MAP2K5: variants seen among roughly 807,000 people sequenced by gnomAD.
MAP2K5 encodes the protein dual specificity mitogen-activated protein kinase kinase 5.
Under a neutral mutation model 83.1 loss-of-function variants are expected in MAP2K5, and 49 were observed. That is an observed-to-expected ratio of 0.59 (90% CI 0.47 to 0.75). The LOEUF is 0.75. Ranked by LOEUF, MAP2K5 falls within the 30% of genes least tolerant of loss-of-function variation. The probability of loss-of-function intolerance (pLI) is 0.00; values close to 1 mark genes in which losing one functional copy is unlikely to be tolerated. For missense variants in MAP2K5, 457 were observed against 557.5 expected, an observed-to-expected ratio of 0.82 and a Z score of 1.82; for synonymous variants, 202 against 191.8, an observed-to-expected ratio of 1.05 and a Z score of -0.44.
Position 67,676,178 on chromosome 15 carries a change from T to G in MAP2K5, c.847+11533T>G, listed in dbSNP as rs1209604666. On this transcript the variant is annotated intron_variant, in intron 13 of 21. Coordinates refer to ENST00000178640, the MANE Select transcript of MAP2K5 (RefSeq NM_145160.3). This position sits in a 1 kb window ranked among gnomAD's most constrained non-coding sequence, Gnocchi z 4.8. ...CCCGCAGTTAGCTCTGATCATTGCT[T>G]TGTCTCTGACACAAACCTGAAGTTT... Among the ~76,000 whole-genome samples, 6 of 152,142 alleles carry G rather than the reference T, an allele frequency of 3.9e-5. No individual in the cohort carries two copies. Among genetic ancestry groups the G allele is most frequent in the Non-Finnish European group, 8.8e-5 (6 of 68,022 alleles).
rs185564752 is a variant in MAP2K5 at position 67,571,932 on chromosome 15, A to G, written c.252+8582A>G. ...GAGCGTACAGTTCATGCCCTCCAGG[A>G]GCTCATGGTCCAGTCAGGGAGATTA... On this transcript the variant is annotated intron_variant, in intron 3 of 21. Coordinates refer to ENST00000178640, the MANE Select transcript of MAP2K5 (RefSeq NM_145160.3). 2.5e-4 allele frequency among the ~76,000 whole-genome samples: 38 copies of G among 152,306 alleles called. 1 individual carries two copies. The highest frequency in any genetic ancestry group is 2.1e-3 in the Admixed American group (32 of 15,294).
intron 8 of MAP2K5, among the ~76,000 whole-genome samples, chr15:67,630,571 G>T (rs1365085667): frequency 6.6e-6 from 1 of 152,196 alleles, no homozygotes; most frequent in Non-Finnish European, 1.5e-5. Flanking sequence ...TAGGTTTGAG[G>T]TCTCATTCTG....
chr15:67,600,508 G>A (rs932623704), intron 7 of MAP2K5, among the ~76,000 whole-genome samples, 177 bp from the exon 8 acceptor site: 3 of 151,994 alleles, frequency 2.0e-5, no homozygotes, highest in African/African-American at 4.8e-5. Flanking sequence ...CCATCACTTC[G>A]TCCCTTGGTA....
chr15:67,686,603 A>AAATAATAATAATAAT (rs57116318), intron 13 of MAP2K5, among the ~76,000 whole-genome samples: 38 of 148,452 alleles, frequency 2.6e-4, no homozygotes, highest in African/African-American at 8.5e-4. Flanking sequence ...ACTGTGTCTC[A>AAATAATAATAATAAT]AATAATAATA....
At chr15:67,664,968 A>T (rs2087337389) in intron 13 of MAP2K5, among the ~76,000 whole-genome samples, 1 of 152,192 alleles carries the variant, frequency 6.6e-6, no homozygotes, top group East Asian at 1.9e-4. Flanking sequence ...GTACAATTAC[A>T]TCCTTCCTTC....
chr15:67,684,326 A>G (rs894200008), intron 13 of MAP2K5, among the ~76,000 whole-genome samples: 1 of 152,262 alleles, frequency 6.6e-6, no homozygotes, highest in African/African-American at 2.4e-5. Context: ...GGAGAATTCA[A>G]GAAAGAGATT....
chr15:67,712,669 A>G (rs2088720186), intron 16 of MAP2K5, among the ~76,000 whole-genome samples: 1 of 152,210 alleles, frequency 6.6e-6, no homozygotes. Flanking sequence ...CTGTAATCCC[A>G]ACACTTTAGG....
Position 67,779,714 on chromosome 15 carries a change from T to C in MAP2K5, c.1242+6962T>C, listed in dbSNP as rs528801571. 6.6e-6 allele frequency among the ~76,000 whole-genome samples: 1 copy of C among 152,314 alleles called. No homozygotes were observed. Among genetic ancestry groups the C allele is most frequent in the African/African-American group, 2.4e-5 (1 of 41,560 alleles). ...TGAACTCATGTCTCTAATGCCTCTTTCGTGTTTTATTGGACTGTCATCTTC... is the reference window on the plus strand; with the variant it reads ...TGAACTCATGTCTCTAATGCCTCTTCCGTGTTTTATTGGACTGTCATCTTC... On this transcript the variant is annotated intron_variant, in intron 21 of 21. Transcript: ENST00000178640. The surrounding 1 kb of genome is among the most constrained non-coding windows in gnomAD (Gnocchi z 4.6).
In MAP2K5 at chr15:67,769,111, A is replaced by AG. The variant is rs1465097890; in HGVS notation, c.1135-491_1135-490insG. Reference sequence around the variant, plus strand: ...ATAAAAGCCTTTCTATTAAAGTAAAAAAAAAAAATTGATCCAAATTATTCT... The same window carrying AG: ...ATAAAAGCCTTTCTATTAAAGTAAAAGAAAAAAAATTGATCCAAATTATTCT... On this transcript the variant is annotated intron_variant, in intron 19 of 21. Coordinates refer to ENST00000178640, the MANE Select transcript of MAP2K5 (RefSeq NM_145160.3). The surrounding 1 kb of genome is among the most constrained non-coding windows in gnomAD (Gnocchi z 5.2). Among the ~76,000 whole-genome samples the AG allele has an allele frequency of 6.6e-6, 1 of 151,718 alleles. No individual in the cohort carries two copies. The highest frequency in any genetic ancestry group is 1.5e-5 in the Non-Finnish European group (1 of 67,922).
chr15:67,558,049 C>T (rs79348006), intron 2 of MAP2K5, among the ~76,000 whole-genome samples: 1 of 152,088 alleles, frequency 6.6e-6, no homozygotes, highest in Non-Finnish European at 1.5e-5. Flanking sequence ...ATTACTGATG[C>T]AAAAAGTCCA....
intron 16 of MAP2K5, among the ~76,000 whole-genome samples, chr15:67,705,011 G>A (rs1260947681): frequency 6.6e-6 from 1 of 152,114 alleles, no homozygotes; most frequent in Non-Finnish European, 1.5e-5. Flanking sequence ...TTCTTCATTT[G>A]TAAAATATTG....
At chr15:67,571,352 A>C (rs1170343416) in intron 3 of MAP2K5, among the ~76,000 whole-genome samples, 2 of 152,210 alleles carry the variant, frequency 1.3e-5, no homozygotes, top group African/African-American at 4.8e-5. Context: ...TTGAGCTTCC[A>C]AAAGAGAAAC....
chr15:67,778,406 TG>T lies in MAP2K5; in HGVS notation c.1242+5656del, dbSNP rs771367805. 3.9e-5 allele frequency among the ~76,000 whole-genome samples: 6 copies of T among 152,350 alleles called. No individual in the cohort carries two copies. Among genetic ancestry groups the T allele is most frequent in the Admixed American group, 6.5e-5 (1 of 15,296 alleles). ...GTGTGACTTTGGGCTTCACACCAAA[TG>T]GCTTTGTTTCATTGTTAGACCCAAA... On this transcript the variant is annotated intron_variant, in intron 21 of 21. Coordinates refer to ENST00000178640, the MANE Select transcript of MAP2K5 (RefSeq NM_145160.3). The surrounding 1 kb of genome is among the most constrained non-coding windows in gnomAD (Gnocchi z 5.0).
chr15:67,756,049 C>A (rs373704854), intron 19 of MAP2K5, among the ~76,000 whole-genome samples: 1 of 152,206 alleles, frequency 6.6e-6, no homozygotes, highest in South Asian at 2.1e-4. Flanking sequence ...CAGCATCTCT[C>A]CCCCACACTA....
At chr15:67,557,224 A>G (rs1050198725) in intron 2 of MAP2K5, among the ~76,000 whole-genome samples, 1 of 152,116 alleles carries the variant, frequency 6.6e-6, no homozygotes, top group Non-Finnish European at 1.5e-5. Context: ...CTCTGCCAGC[A>G]TTTTCTCTAG....
intron 21 of MAP2K5, among the ~76,000 whole-genome samples, chr15:67,784,341 C>G (rs1367781467): frequency 6.6e-6 from 1 of 152,242 alleles, no homozygotes; most frequent in African/African-American, 2.4e-5. Context: ...TCCGCTAAGT[C>G]AAACTATTTC....
chr15:67,564,387 A>G (rs1464905654), intron 3 of MAP2K5, among the ~76,000 whole-genome samples: 1 of 152,226 alleles, frequency 6.6e-6, no homozygotes, highest in Non-Finnish European at 1.5e-5. Context: ...CTTGCTTTTC[A>G]CTGAGACCCT....
intron 11 of MAP2K5, among the ~76,000 whole-genome samples, chr15:67,650,072 T>C (rs1227079004): frequency 1.3e-5 from 2 of 152,208 alleles, no homozygotes; most frequent in Admixed American, 6.5e-5. Flanking sequence ...ATTTGTTAAA[T>C]TTGCTTCTAA....
At chr15:67,787,883 T>TGTG (rs768277805) in intron 21 of MAP2K5, among the ~76,000 whole-genome samples, 46 of 152,362 alleles carry the variant, frequency 3.0e-4, no homozygotes, top group Non-Finnish European at 5.7e-4. Context: ...AATTACAGCA[T>TGTG]GTGCTGGCAG....
Sources: allele counts gnomAD v4.1 joint callset (sites outside exome capture counted in the v4.1 genomes callset), GRCh38; gene constraint gnomAD v4.1.1; non-coding constraint Gnocchi (gnomAD v3.1); transcripts MANE v1.5; gene names NCBI Gene and HGNC (gene_info 2026-07-23, HGNC 2026-07-21).